The following CSMD2 variants were observed in gnomAD, a reference collection of about 807,000 sequenced individuals.
CSMD2 encodes CUB and Sushi multiple domains 2, also known as CUB and sushi domain-containing protein 2.
CSMD2 carries 130 observed loss-of-function variants against 398.5 expected under a neutral mutation model. That is an observed-to-expected ratio of 0.33 (90% CI 0.28 to 0.38). CSMD2 has a LOEUF of 0.38. Among genes scored for constraint, CSMD2 ranks in the 10% least tolerant of loss-of-function variants. The pLI is 1.00. For missense variants in CSMD2, 3,829 were observed against 4,764.9 expected, an observed-to-expected ratio of 0.80 and a Z score of 5.78; for synonymous variants, 1,828 against 1,908.5, an observed-to-expected ratio of 0.96 and a Z score of 1.10.
intron 62 of CSMD2, among the ~76,000 whole-genome samples, chr1:33,534,650 T>C (rs961726375): frequency 6.6e-6 from 1 of 152,208 alleles, no homozygotes; most frequent in Non-Finnish European, 1.5e-5. Flanking sequence ...GTTCAAACAC[T>C]TATGTGTCCC....
intron 5 of CSMD2, among the ~76,000 whole-genome samples, chr1:33,856,901 C>T (rs936632107): frequency 6.6e-5 from 10 of 151,630 alleles, no homozygotes; most frequent in African/African-American, 4.8e-5. Flanking sequence ...TCTCATAGTG[C>T]GATTGTGAGT....
chr1:33,996,056 C>T (rs1309309642), intron 3 of CSMD2, among the ~76,000 whole-genome samples: 1 of 152,208 alleles, frequency 6.6e-6, no homozygotes, highest in Non-Finnish European at 1.5e-5. Flanking sequence ...ATTATTCAGA[C>T]CTCCTGCAAA....
chr1:33,739,950 T>G (rs953968538), intron 14 of CSMD2, among the ~76,000 whole-genome samples: 1 of 152,182 alleles, frequency 6.6e-6, no homozygotes, highest in African/African-American at 2.4e-5. Context: ...GTCAGAACGC[T>G]GTAGATTTAA....
intron 3 of CSMD2, among the ~76,000 whole-genome samples, chr1:34,027,804 T>C (rs1342352868): frequency 1.3e-5 from 2 of 152,156 alleles, no homozygotes; most frequent in African/African-American, 4.8e-5. Flanking sequence ...GATGTCTAAA[T>C]GTATATTCAT....
Position 33,724,330 on chromosome 1 carries a change from G to A in CSMD2, c.2885-17C>T, listed in dbSNP as rs1249850754. The A allele has an allele frequency of 6.3e-6, 10 of 1,591,662 alleles. No individual in the cohort carries two copies. The highest frequency in any genetic ancestry group is 7.8e-6 in the Non-Finnish European group (9 of 1,160,486). On this transcript the variant is annotated splice_polypyrimidine_tract_variant and intron_variant, in intron 18 of 70. Transcript: ENST00000373381. ...CACAGAGAGCTACAGAAGGAGTGAA[G>A]AGGGCAGTGAAAGACCAGAGGGCCT... is the stretch of plus-strand genomic sequence containing the variant.
chr1:33,803,390 T>C (rs572714710), intron 10 of CSMD2, among the ~76,000 whole-genome samples: 1 of 152,230 alleles, frequency 6.6e-6, no homozygotes, highest in Non-Finnish European at 1.5e-5. Context: ...CCAAATGACA[T>C]TGAATGAACC....
At chr1:33,752,512 G>T (rs916658856) in intron 13 of CSMD2, among the ~76,000 whole-genome samples, 1 of 152,152 alleles carries the variant, frequency 6.6e-6, no homozygotes, top group Non-Finnish European at 1.5e-5. Flanking sequence ...GCAGAACCAC[G>T]AGCCAAATCA....
At chr1:33,890,715 A>G (rs1249288787) in intron 5 of CSMD2, among the ~76,000 whole-genome samples, 1 of 151,818 alleles carries the variant, frequency 6.6e-6, no homozygotes, top group African/African-American at 2.4e-5. Flanking sequence ...TCAATGGAAC[A>G]GAACAGAGCC....
chr1:33,563,792 G>C (rs1273937055), intron 53 of CSMD2, among the ~76,000 whole-genome samples: 1 of 152,150 alleles, frequency 6.6e-6, no homozygotes, highest in Non-Finnish European at 1.5e-5. Context: ...TTGTCAAACA[G>C]CTGTATGGAG....
chr1:33,899,655 T>C (rs956401909), intron 5 of CSMD2, among the ~76,000 whole-genome samples: 1 of 152,182 alleles, frequency 6.6e-6, no homozygotes, highest in African/African-American at 2.4e-5. Context: ...GTTGGATTTA[T>C]ATGTGAAAAA....
At chr1:33,819,466 A>T (rs1657850158) in intron 9 of CSMD2, among the ~76,000 whole-genome samples, 1 of 152,198 alleles carries the variant, frequency 6.6e-6, no homozygotes, top group African/African-American at 2.4e-5. Context: ...ATTAGACTGT[A>T]AGGTCCATGC....
intron 22 of CSMD2, among the ~76,000 whole-genome samples, chr1:33,707,693 GCGCACACACACACACACA>G (rs1239288643): frequency 2.1e-3 from 99 of 46,954 alleles, no homozygotes; most frequent in East Asian, 0.014. Context: ...ACGCGCGCGC[GCGCACACACACACACACA>G]CACACACACA....
chr1:33,655,483 G>A (rs933034412), intron 27 of CSMD2, among the ~76,000 whole-genome samples: 2 of 152,222 alleles, frequency 1.3e-5, no homozygotes, highest in African/African-American at 4.8e-5. Flanking sequence ...AGGAAATTAA[G>A]GCACAGGGAA....
chr1:34,012,741 C>CA (rs1647534997), intron 3 of CSMD2, among the ~76,000 whole-genome samples: 1 of 152,180 alleles, frequency 6.6e-6, no homozygotes, highest in South Asian at 2.1e-4. Flanking sequence ...CCTAGAATTT[C>CA]AAATTATGCC....
intron 26 of CSMD2, among the ~76,000 whole-genome samples, chr1:33,662,119 T>G (rs1378667974): frequency 2.0e-5 from 3 of 152,192 alleles, no homozygotes; most frequent in Non-Finnish European, 4.4e-5. Context: ...AATTATCTCA[T>G]ACTGGGATTT....
intron 3 of CSMD2, among the ~76,000 whole-genome samples, chr1:34,006,640 G>A (rs1331402827): frequency 6.6e-6 from 1 of 152,102 alleles, no homozygotes; most frequent in Non-Finnish European, 1.5e-5. Context: ...GTCACCAAAA[G>A]ACTTGGTCCT....
intron 4 of CSMD2, among the ~76,000 whole-genome samples, chr1:33,925,299 A>T (rs2125302941): frequency 6.6e-6 from 1 of 152,278 alleles, no homozygotes; most frequent in East Asian, 1.9e-4. Flanking sequence ...CTATTGAAGC[A>T]AGCGTCCTTC....
intron 3 of CSMD2, among the ~76,000 whole-genome samples, chr1:33,942,193 C>T (rs560994028): frequency 2.0e-5 from 3 of 152,314 alleles, no homozygotes; most frequent in East Asian, 1.9e-4. Context: ...TCCAAGGCCA[C>T]GTAGCTCACT....
chr1:34,015,286 T>C (rs1647929415), intron 3 of CSMD2, among the ~76,000 whole-genome samples: 1 of 152,236 alleles, frequency 6.6e-6, no homozygotes, highest in Non-Finnish European at 1.5e-5. Flanking sequence ...TGTTATCTCA[T>C]TATGCTCATA....
Sources: allele counts gnomAD v4.1 joint callset (sites outside exome capture counted in the v4.1 genomes callset), GRCh38; gene constraint gnomAD v4.1.1; transcripts MANE v1.5; gene names NCBI Gene and HGNC (gene_info 2026-07-23, HGNC 2026-07-21).